Variants in DGKA observed in about 807,000 individuals in gnomAD.
The protein encoded by DGKA is 80 kDa diacylglycerol kinase.
DGKA carries 35 observed loss-of-function variants against 105.0 expected under a neutral mutation model. That is an observed-to-expected ratio of 0.33 (90% CI 0.25 to 0.44). DGKA has a LOEUF of 0.44. Among genes scored for constraint, DGKA ranks in the 20% least tolerant of loss-of-function variants. The pLI is 1.00. For synonymous variants in DGKA, 296 were observed against 332.0 expected, an observed-to-expected ratio of 0.89 and a Z score of 1.18; for missense variants, 665 against 915.0, an observed-to-expected ratio of 0.73 and a Z score of 3.53.
rs1888485341 is a variant in DGKA, at chr12:55,953,125, A to G, written c.2028A>G (p.Gly676=). The change falls in exon 22 of 24, where the codon GGA becomes GGG. Residue 676 remains glycine (G), a synonymous_variant. Transcript: ENST00000331886. ...TCTATACCAAGCTCAAGAATGCTGG[A>G]CGTCGGCTGGCCAAGTGCTCTGAGA... ...GQIYTKLKNA[G]RRLAKCSEIT... 1 of 1,614,114 alleles carries G rather than the reference A, an allele frequency of 6.2e-7. No homozygotes were observed. Among genetic ancestry groups the G allele is most frequent in the Non-Finnish European group, 8.5e-7 (1 of 1,180,026 alleles).
intron 17 of DGKA, among the ~76,000 whole-genome samples, chr12:55,944,677 C>T (rs1292691293): frequency 6.6e-6 from 1 of 152,146 alleles, no homozygotes; most frequent in Non-Finnish European, 1.5e-5. Context: ...GTAGAAGCCA[C>T]AGCTCTGGAT....
intron 15 of DGKA, 100 bp downstream of exon 15, chr12:55,941,684 G>A: frequency 8.0e-7 from 1 of 1,242,810 alleles, no homozygotes; most frequent in East Asian, 2.3e-5. Flanking sequence ...GGAGAGGAGG[G>A]CTAGAGATCC....
rs1885557282 is a variant in DGKA at position 55,939,967 on chromosome 12, T to C, written c.710-115T>C. On this transcript the variant is annotated intron_variant, in intron 9 of 23. Coordinates refer to ENST00000331886, the MANE Select transcript of DGKA (RefSeq NM_001345.5). ...GTGGGCACTTCACCCCGAACTTTTA[T>C]TCTGCTACACCCTCAAGCAAGGGAT... The C allele has an allele frequency of 2.2e-5, 21 of 966,576 alleles. No individual in the cohort carries two copies. In the South Asian group the frequency reaches 2.9e-4, roughly 13 times the overall value. 59.9% of individuals were successfully genotyped at this position (966,576 alleles called of 1,614,324 possible). A position where few individuals can be genotyped will look rare whatever the true frequency, so the allele number is the denominator to read the frequency against.
At chr12:55,936,643 TG>T (rs1325465832) in intron 2 of DGKA, 76 bp downstream of exon 2, 1 of 1,592,732 alleles carries the variant, frequency 6.3e-7, no homozygotes, top group Non-Finnish European at 8.6e-7. Flanking sequence ...TTACACCCCC[TG>T]CCCCCCAGCT....
At chr12:55,946,147 CA>C (rs1354351571) in intron 17 of DGKA, among the ~76,000 whole-genome samples, 2 of 151,110 alleles carry the variant, frequency 1.3e-5, no homozygotes, top group East Asian at 2.0e-4. Flanking sequence ...GTAACATTCA[CA>C]GTTTCTTTTT....
At position 55,940,209 on chromosome 12, in the gene DGKA, A is replaced by ACCC; in HGVS notation, c.798+39_798+40insCCC. ...TGCCTCCACCCCCAACATCACCTAC[A>ACCC]TCCTGGCCCTGGCCCTGGCCCTTGG... is the stretch of plus-strand genomic sequence containing the variant. On this transcript the variant is annotated intron_variant, in intron 10 of 23. Transcript: ENST00000331886. This position sits in a 1 kb window ranked among gnomAD's most constrained non-coding sequence, Gnocchi z 4.3. 1 of 1,613,436 alleles carries ACCC rather than the reference A, an allele frequency of 6.2e-7. No individual in the cohort carries two copies. Among genetic ancestry groups the ACCC allele is most frequent in the South Asian group, 1.1e-5 (1 of 91,062 alleles).
Position 55,948,443 on chromosome 12 carries a change from A to C in DGKA, c.1427-3180A>C, listed in dbSNP as rs375968106. Among the ~76,000 whole-genome samples the C allele has an allele frequency of 8.2e-5, 12 of 146,676 alleles. No individual in the cohort carries two copies. The East Asian group carries it at 2.5e-3, about 30-fold the overall frequency. Reference sequence around the variant, plus strand: ...TATTTTCTTTTTAAAAAACTATTCAAATAGCTGAACATGGTGGCTCACACC... The same window carrying C: ...TATTTTCTTTTTAAAAAACTATTCACATAGCTGAACATGGTGGCTCACACC... On this transcript the variant is annotated intron_variant, in intron 17 of 23. Coordinates refer to ENST00000331886, the MANE Select transcript of DGKA (RefSeq NM_001345.5).
At position 55,937,993 on chromosome 12, in the gene DGKA, A is replaced by G. The variant is rs71459325; in HGVS notation, c.290A>G (p.Asn97Ser). 448 of 1,614,168 alleles carry G rather than the reference A, an allele frequency of 2.8e-4. No homozygotes were observed. The highest frequency in any genetic ancestry group is 1.0e-3 in the African/African-American group (75 of 75,044). The change falls in exon 5 of 24, where the codon AAT becomes AGT. Residue 97 changes from asparagine to serine, a missense_variant. Asn to Ser is a conservative substitution (Grantham distance 46, BLOSUM62 1). This residue lies in a region of DGKA where 504 missense variants were observed against 681.2 expected (regional missense o/e 0.74). Transcript: ENST00000331886. ...TNVTKDVVCL[N>S]DVSCYFSLLE... ...TTGTAACCAGATGTGGTGTGTCTCAATGATGTTTCCTGCTACTTTTCCCTT... is the reference window on the plus strand; with the variant it reads ...TTGTAACCAGATGTGGTGTGTCTCAGTGATGTTTCCTGCTACTTTTCCCTT...
intron 17 of DGKA, among the ~76,000 whole-genome samples, chr12:55,942,869 A>T (rs1886303315): frequency 6.6e-6 from 1 of 152,122 alleles, no homozygotes; most frequent in African/African-American, 2.4e-5. Flanking sequence ...CTTGCTGGAG[A>T]TCTTAGGGAA....
chr12:55,928,696 A>ACT (rs1883247154), upstream of DGKA, among the ~76,000 whole-genome samples: 1 of 150,320 alleles, frequency 6.7e-6, no homozygotes, highest in African/African-American at 2.4e-5. Context: ...AAAAAAAAAA[A>ACT]AAAAAAAAAA....
chr12:55,931,948 G>C (rs1883664276), intron 1 of DGKA: 1 of 150,952 alleles, frequency 6.6e-6, no homozygotes, highest in East Asian at 2.0e-4. Flanking sequence ...CCCAGAGTCG[G>C]GGGCGCCGGG....
chr12:55,951,686 T>C lies in DGKA; in HGVS notation c.1490T>C (p.Met497Thr), dbSNP rs1888177317. Residue 497 changes from methionine to threonine, a missense_variant, in exon 18 of 24, where the codon ATG (methionine) becomes ACG (threonine). Met to Thr is a moderately conservative substitution (Grantham distance 81, BLOSUM62 -1). Coordinates refer to ENST00000331886, the MANE Select transcript of DGKA (RefSeq NM_001345.5). ...KDLEMSKVVH[M>T]DRWSVEVIPQ... ...TTAGAGATGAGTAAAGTGGTACATA[T>C]GGATCGATGGTCTGTGGAGGTGATA... 2 of 1,613,862 alleles carry C rather than the reference T, an allele frequency of 1.2e-6. No homozygotes were observed. Among genetic ancestry groups the C allele is most frequent in the African/African-American group, 2.7e-5 (2 of 74,842 alleles).
At position 55,940,797 on chromosome 12, in the gene DGKA, G is replaced by A. The variant is rs983909374; in HGVS notation, c.1017+75G>A. On this transcript the variant is annotated intron_variant, in intron 12 of 23. Coordinates refer to ENST00000331886, the MANE Select transcript of DGKA (RefSeq NM_001345.5). This position sits in a 1 kb window ranked among gnomAD's most constrained non-coding sequence, Gnocchi z 4.3. ...TCCCACACGCACAGAGTGGCATTTAGAATAGAGAGCTCATACTTTTAGGAT... is the reference window on the plus strand; with the variant it reads ...TCCCACACGCACAGAGTGGCATTTAAAATAGAGAGCTCATACTTTTAGGAT... 2.5e-6 allele frequency: 4 copies of A among 1,598,534 alleles called. No individual in the cohort carries two copies. Among genetic ancestry groups the A allele is most frequent in the Non-Finnish European group, 3.4e-6 (4 of 1,166,234 alleles).
chr12:55,938,982 T>C lies in DGKA; in HGVS notation c.467T>C (p.Leu156Pro). ...AEYLDWDVSELRPILQEMMKE... is the reference protein window; with the variant it reads ...AEYLDWDVSEPRPILQEMMKE... The stretch of plus-strand genomic sequence containing the variant: ...TACCTGGATTGGGATGTGTCTGAGC[T>C]GAGGCCGGTAAGGCAGCTCTTCCTT... Residue 156 changes from leucine (L) to proline (P), a missense_variant, in exon 7 of 24, where the codon CTG becomes CCG. Physicochemically the swap from Leu to Pro is moderately conservative, Grantham distance 98. Around this residue, in one of 3 missense-constraint regions of DGKA, gnomAD observed 504 missense variants for 681.2 expected, o/e 0.74. Coordinates refer to ENST00000331886, the MANE Select transcript of DGKA (RefSeq NM_001345.5). 2.5e-6 allele frequency: 4 copies of C among 1,614,236 alleles called. No individual in the cohort carries two copies. The highest frequency in any genetic ancestry group is 1.3e-5 in the African/African-American group (1 of 75,064).
intron 17 of DGKA, among the ~76,000 whole-genome samples, chr12:55,950,100 A>G (rs756220591): frequency 1.2e-4 from 18 of 148,436 alleles, no homozygotes; most frequent in Non-Finnish European, 2.7e-4. Context: ...TCAGCCTCCC[A>G]AGTAGCTGGG....
intron 17 of DGKA, among the ~76,000 whole-genome samples, chr12:55,942,934 G>A (rs1403986885): frequency 1.3e-5 from 2 of 152,132 alleles, no homozygotes; most frequent in Non-Finnish European, 2.9e-5. Flanking sequence ...GTAGTGTAAG[G>A]CCAGAGGAGC....
chr12:55,951,795 G>A lies in DGKA; in HGVS notation c.1587+12G>A. 6.2e-7 allele frequency: 1 copy of A among 1,611,156 alleles called. No individual in the cohort carries two copies. The highest frequency in any genetic ancestry group is 2.2e-5 in the East Asian group (1 of 44,802). On this transcript the variant is annotated intron_variant, in intron 18 of 23. Coordinates refer to ENST00000331886, the MANE Select transcript of DGKA (RefSeq NM_001345.5). ...TCTCTATTGGCGTGGTCAGTGGAATGGGGCCTGGGGAGAAGGGAGAAAGGG... is the reference window on the plus strand; with the variant it reads ...TCTCTATTGGCGTGGTCAGTGGAATAGGGCCTGGGGAGAAGGGAGAAAGGG...
rs773754234 is a variant in DGKA at position 55,952,995 on chromosome 12, G to A, written c.1943-45G>A. On this transcript the variant is annotated intron_variant, in intron 21 of 23. Coordinates refer to ENST00000331886, the MANE Select transcript of DGKA (RefSeq NM_001345.5). This position sits in a 1 kb window ranked among gnomAD's most constrained non-coding sequence, Gnocchi z 5.1. ...GAAGGGAAAGTGTGACTCCCTATGGGGATACCCTGTTTATGTAAAACTTTA... is the reference window on the plus strand; with the variant it reads ...GAAGGGAAAGTGTGACTCCCTATGGAGATACCCTGTTTATGTAAAACTTTA... 2.5e-6 allele frequency: 4 copies of A among 1,614,084 alleles called. No individual in the cohort carries two copies.
rs1164849409 is a variant in DGKA, at chr12:55,940,678, C to G, written c.973C>G (p.Arg325Gly). 2 of 1,605,010 alleles carry G rather than the reference C, an allele frequency of 1.2e-6. No homozygotes were observed. The highest frequency in any genetic ancestry group is 2.2e-5 in the East Asian group (1 of 44,810). ...VGHECDCGLL[R>G]DHILPPSSIY... ...CCATGAGTGTGACTGTGGGCTGCTC[C>G]GGGATCACATCCTGCCTCCATCTTC... Residue 325 changes from arginine (R) to glycine (G), a missense_variant, in exon 12 of 24, where the codon CGG (arginine) becomes GGG (glycine). Around this residue, in one of 3 missense-constraint regions of DGKA, gnomAD observed 504 missense variants for 681.2 expected, o/e 0.74. Coordinates refer to ENST00000331886, the MANE Select transcript of DGKA (RefSeq NM_001345.5). This position sits in a 1 kb window ranked among gnomAD's most constrained non-coding sequence, Gnocchi z 4.3.
Sources: gnomAD v4.1 joint callset for allele counts (sites outside exome capture counted in the v4.1 genomes callset) on GRCh38, gnomAD v4.1.1 for gene constraint, gnomAD v4.1.1 regional missense constraint, Gnocchi (gnomAD v3.1) non-coding constraint, MANE v1.5 for transcripts, NCBI Gene and HGNC (gene_info 2026-07-23, HGNC 2026-07-21) for gene names.